KCNIP4: variants seen among roughly 807,000 people sequenced by gnomAD.
KCNIP4 encodes the protein potassium voltage-gated channel interacting protein 4, also known as Kv channel-interacting protein 4.
Under a neutral mutation model 34.0 loss-of-function variants are expected in KCNIP4, and 12 were observed. The ratio of observed to expected loss-of-function variants is 0.35; its 90% CI spans 0.23 to 0.57. The LOEUF (loss-of-function observed/expected upper bound fraction) is 0.57, where lower values mean the gene tolerates loss of function less well. KCNIP4 is among the 20% of genes least tolerant of loss of function. The pLI is 0.83. For missense variants in KCNIP4, 238 were observed against 311.7 expected, an observed-to-expected ratio of 0.76 and a Z score of 1.78; for synonymous variants, 124 against 102.2, an observed-to-expected ratio of 1.21 and a Z score of -1.29.
At chr4:21,558,963 T>C (rs753468890) in intron 1 of KCNIP4, among the ~76,000 whole-genome samples, 4 of 152,152 alleles carry the variant, frequency 2.6e-5, no homozygotes, top group Non-Finnish European at 5.9e-5. Flanking sequence ...AAAAATTAAA[T>C]TGAACCCATA....
chr4:21,250,840 T>C (rs1760646862), intron 1 of KCNIP4, among the ~76,000 whole-genome samples: 1 of 151,250 alleles, frequency 6.6e-6, no homozygotes, highest in African/African-American at 2.4e-5. Context: ...AGTAGCAATA[T>C]ATATCAAACA....
At chr4:21,525,805 C>A (rs990383267) in intron 1 of KCNIP4, among the ~76,000 whole-genome samples, 1 of 152,096 alleles carries the variant, frequency 6.6e-6, no homozygotes, top group Non-Finnish European at 1.5e-5. Flanking sequence ...GAAATTCAAT[C>A]TTCAAGTTAT....
chr4:21,931,061 A>G (rs1274645310), intron 1 of KCNIP4, among the ~76,000 whole-genome samples: 1 of 152,100 alleles, frequency 6.6e-6, no homozygotes, highest in African/African-American at 2.4e-5. Context: ...TGATTTGGAG[A>G]TGTTTAAATC....
chr4:21,305,790 AACCTTCTTAC>A (rs1240976359), intron 1 of KCNIP4, among the ~76,000 whole-genome samples: 12 of 152,190 alleles, frequency 7.9e-5, no homozygotes, highest in Non-Finnish European at 1.3e-4. Context: ...TATTTAGAAA[AACCTTCTTAC>A]ACCATCTCTG....
At chr4:21,434,494 T>C (rs766193569) in intron 1 of KCNIP4, among the ~76,000 whole-genome samples, 1 of 152,228 alleles carries the variant, frequency 6.6e-6, no homozygotes, top group South Asian at 2.1e-4. Flanking sequence ...TGGGACCATA[T>C]AGGACCCTCT....
At chr4:21,717,411 C>T (rs1220913873) in intron 1 of KCNIP4, among the ~76,000 whole-genome samples, 2 of 151,902 alleles carry the variant, frequency 1.3e-5, no homozygotes, top group Non-Finnish European at 2.9e-5. Context: ...TATATAACTC[C>T]CTAGAATACA....
At chr4:21,452,003 C>T (rs358578) in intron 1 of KCNIP4, among the ~76,000 whole-genome samples, 52,929 of 151,742 alleles carry the variant, frequency 0.35, 9,555 homozygotes, top group African/African-American at 0.41. Flanking sequence ...GAATTTCATA[C>T]TTTGATAGCT....
chr4:20,782,726 C>T (rs1756981171), intron 3 of KCNIP4, among the ~76,000 whole-genome samples: 1 of 152,144 alleles, frequency 6.6e-6, no homozygotes, highest in African/African-American at 2.4e-5. Context: ...GGAGAGGCTG[C>T]TGCAAAGGTC....
chr4:21,351,701 A>G (rs553103249), intron 1 of KCNIP4, among the ~76,000 whole-genome samples: 1 of 152,266 alleles, frequency 6.6e-6, no homozygotes, highest in South Asian at 2.1e-4. Context: ...CTTATAAGAA[A>G]AGGAAATTAG....
At chr4:21,874,193 G>A (rs956950590) in intron 1 of KCNIP4, among the ~76,000 whole-genome samples, 2 of 152,232 alleles carry the variant, frequency 1.3e-5, no homozygotes, top group African/African-American at 4.8e-5. Context: ...AACATGTTAA[G>A]TCTAAAGCAG....
chr4:21,103,943 C>T (rs1166427218), intron 1 of KCNIP4, among the ~76,000 whole-genome samples: 2 of 151,992 alleles, frequency 1.3e-5, no homozygotes, highest in Admixed American at 6.6e-5. Context: ...CATAGTATTC[C>T]ATGGTGTACA....
intron 1 of KCNIP4, among the ~76,000 whole-genome samples, chr4:21,639,198 A>G (rs1396848011): frequency 1.3e-5 from 2 of 152,150 alleles, no homozygotes; most frequent in African/African-American, 2.4e-5. Context: ...ATTTGCTTCT[A>G]TTTTCTTATG....
chr4:21,373,522 G>C lies in KCNIP4; in HGVS notation c.62-490813C>G, dbSNP rs186018897. ...TTTTCTTTTGGTAATAGCAGTTGGG[G>C]TTTCCTTTGGGAACCGATTCCATTT... On this transcript the variant is annotated intron_variant, in intron 1 of 8. Coordinates refer to ENST00000382152, the MANE Select transcript of KCNIP4 (RefSeq NM_025221.6). Among the ~76,000 whole-genome samples, 3 of 146,528 alleles carry C rather than the reference G, an allele frequency of 2.0e-5. 1 individual carries two copies. Among genetic ancestry groups the C allele is most frequent in the African/African-American group, 8.2e-5 (3 of 36,394 alleles).
chr4:21,599,235 C>T (rs532231675), intron 1 of KCNIP4, among the ~76,000 whole-genome samples: 1 of 152,210 alleles, frequency 6.6e-6, no homozygotes, highest in African/African-American at 2.4e-5. Flanking sequence ...TATTAATACA[C>T]ATTTTTGAAA....
intron 3 of KCNIP4, among the ~76,000 whole-genome samples, chr4:20,845,770 C>A (rs1720291868): frequency 6.6e-6 from 1 of 152,160 alleles, no homozygotes; most frequent in African/African-American, 2.4e-5. Context: ...CCTCTAGGGG[C>A]TGCGTGGCCC....
At chr4:21,901,141 A>T (rs1560798605) in intron 1 of KCNIP4, among the ~76,000 whole-genome samples, 1 of 152,218 alleles carries the variant, frequency 6.6e-6, no homozygotes, top group Non-Finnish European at 1.5e-5. Flanking sequence ...TTATGATAAA[A>T]TGTTATTTAA....
At chr4:21,501,991 A>T in intron 1 of KCNIP4, among the ~76,000 whole-genome samples, 1 of 97,952 alleles carries the variant, frequency 1.0e-5, no homozygotes, top group East Asian at 2.2e-4. Flanking sequence ...TCTCATGCAC[A>T]CGCACACACA....
chr4:21,571,528 C>T (rs1740368169), intron 1 of KCNIP4, among the ~76,000 whole-genome samples: 1 of 152,192 alleles, frequency 6.6e-6, no homozygotes, highest in Admixed American at 6.5e-5. Flanking sequence ...AAATAAGCAG[C>T]AGGTGAACTA....
chr4:20,841,710 C>T (rs1719741194), intron 3 of KCNIP4, among the ~76,000 whole-genome samples: 1 of 151,524 alleles, frequency 6.6e-6, no homozygotes, highest in Non-Finnish European at 1.5e-5. Context: ...TGATGTCTTA[C>T]ACTCCATTTT....
Sources: allele counts gnomAD v4.1 joint callset (sites outside exome capture counted in the v4.1 genomes callset), GRCh38; gene constraint gnomAD v4.1.1; transcripts MANE v1.5; gene names NCBI Gene and HGNC (gene_info 2026-07-23, HGNC 2026-07-21).